Variants in SIGLEC1 observed in about 807,000 individuals in gnomAD.
SIGLEC1 encodes the protein sialoadhesin.
A neutral mutation model predicts 148.0 loss-of-function variants in SIGLEC1; 132 were observed. The ratio of observed to expected loss-of-function variants is 0.89; its 90% CI spans 0.77 to 1.03. SIGLEC1 has a LOEUF of 1.03. SIGLEC1 is among the 50% of genes least tolerant of loss of function. The probability of loss-of-function intolerance (pLI) is 0.00; values close to 1 mark genes in which losing one functional copy is unlikely to be tolerated. For missense variants in SIGLEC1, 2,253 were observed against 2,271.4 expected, an observed-to-expected ratio of 0.99 and a Z score of 0.16; for synonymous variants, 945 against 969.0, an observed-to-expected ratio of 0.98 and a Z score of 0.46.
At chr20:3,706,071 C>G in intron 3 of SIGLEC1, 31 bp from the exon 4 acceptor site, 2 of 1,592,944 alleles carry the variant, frequency 1.3e-6, no homozygotes, top group Admixed American at 3.4e-5. Flanking sequence ...GCTCAGGACC[C>G]GCTTTTGCCA....
Position 3,694,405 on chromosome 20 carries a change from C to G in SIGLEC1, c.3072G>C (p.Val1024=), listed in dbSNP as rs756841994. The part of the protein sequence containing the change: ...QLRLLHGDRL[V]ASTLQGVGGP... The stretch of plus-strand genomic sequence containing the variant: ...CCCCCACACCTTGTAGGGTGGAGGC[C>G]ACAAGGCGATCCCCGTGGAGCAGCC... Residue 1024 remains valine (V), a synonymous_variant, in exon 13 of 22, where the codon GTG becomes GTC. Transcript: ENST00000344754. 6.2e-7 allele frequency: 1 copy of G among 1,612,920 alleles called. No homozygotes were observed. Among genetic ancestry groups the G allele is most frequent in the Admixed American group, 1.7e-5 (1 of 59,996 alleles).
rs780875675 is a variant in SIGLEC1, at chr20:3,692,995, C to G, written c.3645G>C (p.Ser1215=). The change falls in exon 15 of 22, where the codon TCG becomes TCC. Residue 1215 remains serine (S), a synonymous_variant. Coordinates refer to ENST00000344754, the MANE Select transcript of SIGLEC1 (RefSeq NM_023068.4). ...GGGTGTTGGGGACAGAGGCTGCTGT[C>G]GAGGAGGCCAAGAGGCGACCGGCGT... ...LSHAGRLLAS[S]TAASVPNTLR... is the part of the protein sequence containing the mutation. 3.1e-6 allele frequency: 5 copies of G among 1,612,292 alleles called. No homozygotes were observed. In the South Asian group the frequency reaches 5.5e-5, roughly 18 times the overall value.
chr20:3,695,739 G>A (rs1307016000), intron 11 of SIGLEC1, among the ~76,000 whole-genome samples: 1 of 152,108 alleles, frequency 6.6e-6, no homozygotes, highest in Non-Finnish European at 1.5e-5. Context: ...TCACCGTGGT[G>A]GAAGAAACAC....
rs779285260 is a variant in SIGLEC1 at position 3,699,362 on chromosome 20, G to C, written c.1626C>G (p.Arg542=). The C allele has an allele frequency of 6.2e-7, 1 of 1,608,860 alleles. No individual in the cohort carries two copies. The highest frequency in any genetic ancestry group is 1.3e-5 in the African/African-American group (1 of 74,906). Reference sequence around the variant, plus strand: ...GGGCTCCATTCAGGTACCAGGAGAAGCGGGCATCAGGTGTGGGGCTTAGGC... The same window carrying C: ...GGGCTCCATTCAGGTACCAGGAGAACCGGGCATCAGGTGTGGGGCTTAGGC... ...RSGLSPTPDA[R]FSWYLNGALL... is the part of the protein sequence containing the mutation. The change falls in exon 8 of 22, where the codon CGC becomes CGG. Residue 542 remains arginine, a synonymous_variant. Transcript: ENST00000344754.
rs562334181 is a variant in SIGLEC1, at chr20:3,693,387, G to A, written c.3508+60C>T. 109 of 1,508,152 alleles carry A rather than the reference G, an allele frequency of 7.2e-5. No homozygotes were observed. In the African/African-American group the frequency reaches 1.0e-3, roughly 14 times the overall value. The allele number at this position is 1,508,152 out of a possible 1,614,324, so 93.4% of individuals were successfully genotyped here. ...ACACCTGTCGGGTTCCGGCCATGCC[G>A]TGATCCCTGTGGGCTTCTGTCATTC... On this transcript the variant is annotated intron_variant, in intron 14 of 21. Transcript: ENST00000344754.
chr20:3,701,102 C>T (rs2087847395), intron 7 of SIGLEC1, among the ~76,000 whole-genome samples: 1 of 152,224 alleles, frequency 6.6e-6, no homozygotes, highest in Admixed American at 6.5e-5. Flanking sequence ...CTGAGGGACT[C>T]TCCAAGTTTA....
intron 14 of SIGLEC1, 105 bp downstream of exon 14, chr20:3,693,342 G>T (rs2088785125): frequency 2.3e-6 from 3 of 1,328,082 alleles, no homozygotes; most frequent in African/African-American, 2.9e-5. Flanking sequence ...CTAGCTACTG[G>T]GTACCGAGTT....
Position 3,705,787 on chromosome 20 carries a change from C to A in SIGLEC1, c.663G>T (p.Val221=). The change falls in exon 4 of 22, where the codon GTG becomes GTT. Residue 221 remains valine, a synonymous_variant. Coordinates refer to ENST00000344754, the MANE Select transcript of SIGLEC1 (RefSeq NM_023068.4). ...TCTCGCTCTGAGCCCTGTGATTGGC[C>A]ACGGAGAGCTGGCAGCGCAGGATCC... The part of the protein sequence containing the change: ...HGRILRCQLS[V]ANHRAQSEIH... 4 of 1,613,634 alleles carry A rather than the reference C, an allele frequency of 2.5e-6. No individual in the cohort carries two copies. The highest frequency in any genetic ancestry group is 3.4e-6 in the Non-Finnish European group (4 of 1,179,768).
At position 3,706,329 on chromosome 20, in the gene SIGLEC1, G is replaced by A. The variant is rs777484938; in HGVS notation, c.409+18C>T. On this transcript the variant is annotated intron_variant, in intron 3 of 21. Coordinates refer to ENST00000344754, the MANE Select transcript of SIGLEC1 (RefSeq NM_023068.4). ...GGGAATCCCTCCCGGGGGGCAGCCA[G>A]GCCACCCCACTTATCACCTGTTACT... 7 of 1,593,524 alleles carry A rather than the reference G, an allele frequency of 4.4e-6. No homozygotes were observed. Among genetic ancestry groups the A allele is most frequent in the Non-Finnish European group, 6.0e-6 (7 of 1,168,926 alleles).
Position 3,696,729 on chromosome 20 carries a change from T to C in SIGLEC1, c.2540A>G (p.His847Arg), listed in dbSNP as rs1364585976. The change falls in exon 11 of 22, where the codon CAT (histidine) becomes CGT (arginine). Residue 847 changes from histidine (H) to arginine (R), a missense_variant. Coordinates refer to ENST00000344754, the MANE Select transcript of SIGLEC1 (RefSeq NM_023068.4). The part of the protein sequence containing the change: ...ATSLGPQVPS[H>R]GRFQAKAEAN... ...CTCAGCTTTAGCCTGGAACCGACCA[T>C]GGGATGGGACCTGGGGACCCAGGCT... is the stretch of plus-strand genomic sequence containing the variant. The C allele has an allele frequency of 1.2e-6, 2 of 1,613,476 alleles. No homozygotes were observed. Among genetic ancestry groups the C allele is most frequent in the African/African-American group, 1.3e-5 (1 of 74,934 alleles).
rs201155774 is a variant in SIGLEC1 at position 3,693,074 on chromosome 20, G to A, written c.3566C>T (p.Ala1189Val). 4.1e-4 allele frequency: 649 copies of A among 1,601,118 alleles called. No individual in the cohort carries two copies. Among genetic ancestry groups the A allele is most frequent in the Non-Finnish European group, 5.1e-4 (603 of 1,175,640 alleles). ...YLLESHGGQL[A>V]LVLCTVDSRP... ...GCTGTCCACAGTGCACAGTACCAGG[G>A]CCAGCTGCCCGCCATGGCTCTCCAG... Residue 1189 changes from alanine to valine, a missense_variant, in exon 15 of 22, where the codon GCC (alanine) becomes GTC (valine). Coordinates refer to ENST00000344754, the MANE Select transcript of SIGLEC1 (RefSeq NM_023068.4).
intron 19 of SIGLEC1, 105 bp from the exon 20 acceptor site, chr20:3,689,807 C>A: frequency 8.2e-7 from 1 of 1,223,520 alleles, no homozygotes; most frequent in Non-Finnish European, 1.2e-6. Flanking sequence ...TGCTTTATCG[C>A]TGAAGCTCTC....
chr20:3,689,479 T>G, intron 20 of SIGLEC1, 121 bp downstream of exon 20: 1 of 702,860 alleles, frequency 1.4e-6, no homozygotes, highest in Non-Finnish European at 2.4e-6. Context: ...AGGGGCAGTC[T>G]GGGAAGTAGG....
chr20:3,697,141 C>A lies in SIGLEC1; in HGVS notation c.2324G>T (p.Arg775Leu). 6.2e-7 allele frequency: 1 copy of A among 1,613,558 alleles called. No homozygotes were observed. Among genetic ancestry groups the A allele is most frequent in the Non-Finnish European group, 8.5e-7 (1 of 1,180,016 alleles). Reference protein sequence around the residue: ...ARTDAALYACRILTEAGAQLS... With the variant: ...ARTDAALYACLILTEAGAQLS... ...CTGGGCACCAGCCTCAGTCAGGATG[C>A]GGCAGGCGTAAAGGGCAGCATCAGT... is the stretch of plus-strand genomic sequence containing the variant. The change falls in exon 10 of 22, where the codon CGC becomes CTC. Residue 775 changes from arginine (R) to leucine (L), a missense_variant. By Grantham distance (102) the Arg-to-Leu change is moderately radical (BLOSUM62 -2). Coordinates refer to ENST00000344754, the MANE Select transcript of SIGLEC1 (RefSeq NM_023068.4).
chr20:3,689,847 A>T, intron 19 of SIGLEC1, 115 bp downstream of exon 19: 1 of 1,171,576 alleles, frequency 8.5e-7, no homozygotes, highest in Non-Finnish European at 1.2e-6. Context: ...CAATCAGTTT[A>T]GAGTCGACAG....
rs1353669092 is a variant in SIGLEC1, at chr20:3,687,054, G to C, written c.*1506C>G. Reference sequence around the variant, plus strand: ...CTGGCAATGGAGCATGAAAATGAATGAGCCTGGAATGAGGGAGGGTGCGGC... The same window carrying C: ...CTGGCAATGGAGCATGAAAATGAATCAGCCTGGAATGAGGGAGGGTGCGGC... On this transcript the variant is annotated 3_prime_UTR_variant, in exon 22 of 22. Transcript: ENST00000344754. 6.6e-6 allele frequency: 1 copy of C among 151,988 alleles called. No individual in the cohort carries two copies. Among genetic ancestry groups the C allele is most frequent in the Non-Finnish European group, 1.5e-5 (1 of 68,022 alleles). The allele number at this position is 151,988 out of a possible 1,614,324, so 9.4% of individuals were successfully genotyped here.
Position 3,690,238 on chromosome 20 carries a change from C to G in SIGLEC1, c.4618G>C (p.Val1540Leu). The change falls in exon 19 of 22, where the codon GTC becomes CTC. Residue 1540 changes from valine to leucine, a missense_variant. Transcript: ENST00000344754. Reference sequence around the variant, plus strand: ...AGGCCACCCTCAGGCTCCACGAAGACCATCATGGTGGGCGTCTTGGGAGGG... The same window carrying G: ...AGGCCACCCTCAGGCTCCACGAAGAGCATCATGGTGGGCGTCTTGGGAGGG... ...LYPPKTPTMMVFVEPEGGLRG... is the reference protein window; with the variant it reads ...LYPPKTPTMMLFVEPEGGLRG... 2 of 1,550,676 alleles carry G rather than the reference C, an allele frequency of 1.3e-6. No homozygotes were observed. Among genetic ancestry groups the G allele is most frequent in the South Asian group, 2.4e-5 (2 of 84,074 alleles).
In SIGLEC1 at chr20:3,706,411, G is replaced by A. The variant is rs2087894616; in HGVS notation, c.345C>T (p.Phe115=). 6.2e-7 allele frequency: 1 copy of A among 1,614,158 alleles called. No homozygotes were observed. The highest frequency in any genetic ancestry group is 8.5e-7 in the Non-Finnish European group (1 of 1,180,010). The part of the protein sequence containing the change: ...LQPEDSGSYN[F]RFEISEVNRW... Reference sequence around the variant, plus strand: ...GGTTGACCTCACTGATCTCGAAGCGGAAGTTGTAGGAACCAGAGTCCTCGG... The same window carrying A: ...GGTTGACCTCACTGATCTCGAAGCGAAAGTTGTAGGAACCAGAGTCCTCGG... The change falls in exon 3 of 22, where the codon TTC becomes TTT. Residue 115 remains phenylalanine (F), a synonymous_variant. Transcript: ENST00000344754.
In SIGLEC1 at chr20:3,692,686, G is replaced by A; in HGVS notation, c.3865C>T (p.Pro1289Ser). ...VTCADPAAHAPTLYTWYHNGR... is the reference protein window; with the variant it reads ...VTCADPAAHASTLYTWYHNGR... ...TTGTGGTACCAAGTATAGAGTGTGG[G>A]TGCGTGGGCAGCAGGGTCCGCACAG... The change falls in exon 16 of 22, where the codon CCC (proline) becomes TCC (serine). Residue 1289 changes from proline to serine, a missense_variant. Physicochemically the swap from Pro to Ser is moderately conservative, Grantham distance 74. Coordinates refer to ENST00000344754, the MANE Select transcript of SIGLEC1 (RefSeq NM_023068.4). The A allele has an allele frequency of 2.5e-6, 4 of 1,613,078 alleles. No homozygotes were observed. Among genetic ancestry groups the A allele is most frequent in the Non-Finnish European group, 3.4e-6 (4 of 1,180,032 alleles).
Sources: gnomAD v4.1 joint callset for allele counts (sites outside exome capture counted in the v4.1 genomes callset) on GRCh38, gnomAD v4.1.1 for gene constraint, MANE v1.5 for transcripts, NCBI Gene and HGNC (gene_info 2026-07-23, HGNC 2026-07-21) for gene names.